The following CREB5 variants were observed in gnomAD, a reference collection of about 807,000 sequenced individuals.
CREB5 encodes the protein cyclic AMP-responsive element-binding protein 5.
In CREB5, 19 loss-of-function variants were observed where a neutral mutation model predicts 57.1. The observed-to-expected ratio is 0.33, with a 90% CI of 0.23 to 0.49. CREB5 has a LOEUF of 0.49. CREB5 is among the 20% of genes least tolerant of loss of function. CREB5 has a pLI of 0.99. For missense variants in CREB5, 579 were observed against 671.6 expected, an observed-to-expected ratio of 0.86 and a Z score of 1.52; for synonymous variants, 238 against 238.3, an observed-to-expected ratio of 1.00 and a Z score of 0.01.
At chr7:28,341,270 T>A (rs1785931704) in intron 1 of CREB5, among the ~76,000 whole-genome samples, 1 of 152,214 alleles carries the variant, frequency 6.6e-6, no homozygotes, top group East Asian at 1.9e-4. Flanking sequence ...CTACTGATTT[T>A]CATTAGTTTA....
chr7:28,591,614 G>C (rs866426310), intron 5 of CREB5, among the ~76,000 whole-genome samples: 3 of 152,152 alleles, frequency 2.0e-5, no homozygotes, highest in Admixed American at 6.5e-5. Flanking sequence ...AGCTACAGAA[G>C]CTCTTCCAGA....
rs1427853941 is a variant in CREB5 at position 28,619,532 on chromosome 7, C to T, written c.464+48995C>T. Among the ~76,000 whole-genome samples, 3 of 152,132 alleles carry T rather than the reference C, an allele frequency of 2.0e-5. No individual in the cohort carries two copies. In the East Asian group the frequency reaches 5.8e-4, roughly 29 times the overall value. ...GCACCATCCTCTTCAGTGAGAAAAC[C>T]ACACAAATAAACCCCCTTCTTGAGC... On this transcript the variant is annotated intron_variant, in intron 5 of 10. Coordinates refer to ENST00000357727, the MANE Select transcript of CREB5 (RefSeq NM_182898.4).
intron 4 of CREB5, among the ~76,000 whole-genome samples, chr7:28,544,686 C>T (rs943074852): frequency 1.3e-5 from 2 of 152,126 alleles, no homozygotes; most frequent in African/African-American, 4.8e-5. Context: ...TGCCCAGGCT[C>T]GCCTCTGCAC....
chr7:28,782,855 A>G (rs1807069863), intron 7 of CREB5, among the ~76,000 whole-genome samples: 1 of 152,178 alleles, frequency 6.6e-6, no homozygotes, highest in African/African-American at 2.4e-5. Flanking sequence ...GTGCGGGGCG[A>G]CAGTCCAGGA....
At chr7:28,630,495 GA>G (rs1798161429) in intron 5 of CREB5, among the ~76,000 whole-genome samples, 1 of 152,074 alleles carries the variant, frequency 6.6e-6, no homozygotes, top group Non-Finnish European at 1.5e-5. Context: ...ACCGAGTGCT[GA>G]AAAAAACATA....
intron 1 of CREB5, among the ~76,000 whole-genome samples, chr7:28,455,430 A>G (rs1790050530): frequency 6.6e-6 from 1 of 152,242 alleles, no homozygotes; most frequent in South Asian, 2.1e-4. Flanking sequence ...TTTGCTAAAC[A>G]TAGAAGGCAG....
intron 5 of CREB5, among the ~76,000 whole-genome samples, chr7:28,620,679 C>G (rs1797759715): frequency 6.6e-6 from 1 of 152,164 alleles, no homozygotes; most frequent in South Asian, 2.1e-4. Context: ...TTAACCCTCT[C>G]ATTGACATCC....
At chr7:28,321,698 G>A (rs1785498087) in intron 1 of CREB5, among the ~76,000 whole-genome samples, 1 of 152,212 alleles carries the variant, frequency 6.6e-6, no homozygotes, top group Non-Finnish European at 1.5e-5. Context: ...GAGGTGGTGA[G>A]TGGGGGACTG....
At chr7:28,328,834 C>T (rs914128612) in intron 1 of CREB5, among the ~76,000 whole-genome samples, 1 of 152,152 alleles carries the variant, frequency 6.6e-6, no homozygotes, top group Non-Finnish European at 1.5e-5. Context: ...TATGATGGGT[C>T]AAACTTTGAA....
At chr7:28,440,132 C>G (rs995535076) in intron 1 of CREB5, among the ~76,000 whole-genome samples, 14 of 152,198 alleles carry the variant, frequency 9.2e-5, no homozygotes, top group African/African-American at 3.4e-4. Flanking sequence ...CAGTTGTCCT[C>G]TCCACGTGAC....
At chr7:28,408,305 A>G (rs1036643092), upstream of CREB5, among the ~76,000 whole-genome samples, 2 of 152,176 alleles carry the variant, frequency 1.3e-5, no homozygotes, top group African/African-American at 2.4e-5. Context: ...GTAAGGTGTG[A>G]GGGGCTGCGA....
intron 7 of CREB5, among the ~76,000 whole-genome samples, chr7:28,769,548 A>G (rs929162064): frequency 1.4e-4 from 21 of 152,220 alleles, no homozygotes; most frequent in Non-Finnish European, 2.9e-4. Context: ...AAAAAACAGA[A>G]TATGTCGTAG....
rs1375860415 is a variant in CREB5, at chr7:28,560,957, T to TGCGCGTGTGCGTGCGTGCGC, written c.292-9407_292-9406insCGCGTGTGCGTGCGTGCGCG. Among the ~76,000 whole-genome samples, 16 of 43,432 alleles carry TGCGCGTGTGCGTGCGTGCGC rather than the reference T, an allele frequency of 3.7e-4. 1 individual carries two copies. Among genetic ancestry groups the TGCGCGTGTGCGTGCGTGCGC allele is most frequent in the Non-Finnish European group, 7.0e-4 (16 of 22,774 alleles). 28.5% of individuals were successfully genotyped at this position (43,432 alleles called of 152,430 possible). On this transcript the variant is annotated intron_variant, in intron 4 of 10. Coordinates refer to ENST00000357727, the MANE Select transcript of CREB5 (RefSeq NM_182898.4). ...GTGTGCGTGCGTGTGTGTGCGTGTG[T>TGCGCGTGTGCGTGCGTGCGC]GTGCGTGTGTGTGTGCGTGTGTGCG...
intron 5 of CREB5, among the ~76,000 whole-genome samples, chr7:28,596,059 G>A (rs1451344405): frequency 6.6e-6 from 1 of 152,174 alleles, no homozygotes; most frequent in Non-Finnish European, 1.5e-5. Context: ...AAACCTAAAT[G>A]TTGGGATTTC....
At chr7:28,687,378 G>C (rs1414837800) in intron 5 of CREB5, among the ~76,000 whole-genome samples, 1 of 144,050 alleles carries the variant, frequency 6.9e-6, no homozygotes, top group East Asian at 2.0e-4. Flanking sequence ...AGGAAATACA[G>C]GGAGAGGGGG....
rs948793235 is a variant in CREB5, at chr7:28,825,470, C to G, written c.*6191C>G. The G allele has an allele frequency of 6.6e-6, 1 of 152,444 alleles. No individual in the cohort carries two copies. Among genetic ancestry groups the G allele is most frequent in the Non-Finnish European group, 1.5e-5 (1 of 68,004 alleles). 9.4% of individuals were successfully genotyped at this position (152,444 alleles called of 1,614,324 possible). On this transcript the variant is annotated 3_prime_UTR_variant, in exon 11 of 11. Transcript: ENST00000357727. ...AGGACAATTGGAATATAAATATTGT[C>G]CAAAAATATAATTAAAAGAAAAAAG...
chr7:28,549,576 C>G (rs1794543716), intron 4 of CREB5, among the ~76,000 whole-genome samples: 2 of 152,202 alleles, frequency 1.3e-5, no homozygotes, highest in African/African-American at 4.8e-5. Context: ...CATTTTTCCC[C>G]TCTTCTAATT....
intron 5 of CREB5, among the ~76,000 whole-genome samples, chr7:28,577,857 T>G (rs1048289923): frequency 2.0e-5 from 3 of 152,248 alleles, no homozygotes; most frequent in African/African-American, 7.2e-5. Context: ...CGTGTGTGAC[T>G]AGGTATAGCT....
At chr7:28,720,021 C>A (rs1326213290) in intron 6 of CREB5, among the ~76,000 whole-genome samples, 3 of 152,222 alleles carry the variant, frequency 2.0e-5, no homozygotes. Flanking sequence ...GATCACACCA[C>A]TGCACTCCAG....
Sources: gnomAD v4.1 joint callset for allele counts (sites outside exome capture counted in the v4.1 genomes callset) on GRCh38, gnomAD v4.1.1 for gene constraint, MANE v1.5 for transcripts, NCBI Gene and HGNC (gene_info 2026-07-23, HGNC 2026-07-21) for gene names.